The following CYP39A1 variants were observed in gnomAD, a reference collection of about 807,000 sequenced individuals.
CYP39A1 encodes 24-hydroxycholesterol 7-alpha-hydroxylase.
A neutral mutation model predicts 58.1 loss-of-function variants in CYP39A1; 49 were observed. The ratio of observed to expected loss-of-function variants is 0.84; its 90% CI spans 0.67 to 1.07. The LOEUF is 1.07. Among genes scored for constraint, CYP39A1 ranks in the 50% least tolerant of loss-of-function variants. The probability of loss-of-function intolerance (pLI) is 0.00; values close to 1 mark genes in which losing one functional copy is unlikely to be tolerated. For missense variants in CYP39A1, 531 were observed against 539.4 expected (o/e 0.98, Z 0.16); for synonymous variants, 209 against 187.6 (o/e 1.11, Z -0.93).
intron 10 of CYP39A1, among the ~76,000 whole-genome samples, chr6:46,573,187 G>T (rs971704499): frequency 3.9e-5 from 6 of 152,104 alleles, no homozygotes; most frequent in Non-Finnish European, 5.9e-5. Flanking sequence ...GAAAATTATA[G>T]TGGTCCTTTG....
At chr6:46,562,945 T>C (rs1771062471) in intron 10 of CYP39A1, among the ~76,000 whole-genome samples, 1 of 151,942 alleles carries the variant, frequency 6.6e-6, no homozygotes, top group South Asian at 2.1e-4. Flanking sequence ...CTTTTTAGTG[T>C]TAGTTTAGTT....
chr6:46,636,799 GA>G (rs1333643526), intron 4 of CYP39A1, among the ~76,000 whole-genome samples: 1 of 152,196 alleles, frequency 6.6e-6, no homozygotes, highest in Non-Finnish European at 1.5e-5. Flanking sequence ...GCAGGAGGAT[GA>G]AAACCCAATG....
At chr6:46,625,267 C>A (rs1775242307) in intron 7 of CYP39A1, 151 bp downstream of exon 7, 4 of 540,654 alleles carry the variant, frequency 7.4e-6, no homozygotes, top group Non-Finnish European at 1.3e-5. Flanking sequence ...TAGGATTCTA[C>A]CTGATCAATT....
chr6:46,587,041 C>T (rs1284224535), intron 10 of CYP39A1, 36 bp downstream of exon 10: 1 of 1,495,084 alleles, frequency 6.7e-7, no homozygotes, highest in South Asian at 1.2e-5. Context: ...TTTCTGCAGA[C>T]TTTCTGGATA....
chr6:46,583,505 A>T (rs1176744295), intron 10 of CYP39A1: 9 of 985,148 alleles, frequency 9.1e-6, no homozygotes, highest in African/African-American at 5.2e-5. Context: ...TGTCTGCTAT[A>T]ATGAGACTCT....
At chr6:46,578,037 A>C (rs572180745) in intron 10 of CYP39A1, among the ~76,000 whole-genome samples, 1 of 152,192 alleles carries the variant, frequency 6.6e-6, no homozygotes, top group East Asian at 1.9e-4. Flanking sequence ...CATAAAAGCA[A>C]TACTCAACAA....
chr6:46,559,637 A>G (rs1357759228), intron 10 of CYP39A1, among the ~76,000 whole-genome samples: 2 of 152,190 alleles, frequency 1.3e-5, no homozygotes, highest in African/African-American at 4.8e-5. Context: ...ATCTGAAAAA[A>G]GCAGCATCTC....
chr6:46,606,365 T>TA (rs1773843676), intron 7 of CYP39A1, among the ~76,000 whole-genome samples: 2 of 152,130 alleles, frequency 1.3e-5, no homozygotes, highest in African/African-American at 4.8e-5. Context: ...GAAAAGGAAA[T>TA]ACACTAAGTT....
Position 46,636,399 on chromosome 6 carries a change from T to C in CYP39A1, c.722A>G (p.Asp241Gly). The C allele has an allele frequency of 2.5e-6, 4 of 1,595,042 alleles. No individual in the cohort carries two copies. The highest frequency in any genetic ancestry group is 3.4e-6 in the Non-Finnish European group (4 of 1,166,998). The change falls in exon 5 of 12, where the codon GAT (aspartate) becomes GGT (glycine). Residue 241 changes from aspartate (D) to glycine (G), a missense_variant. Transcript: ENST00000275016. ...GTAAGAAATACTTACCATGGAATTA[T>C]CTTTTGCAGATTTACATGCTTTTAT... ...PDIKACKSAKDNSMTLLQATL... is the reference protein window; with the variant it reads ...PDIKACKSAKGNSMTLLQATL...
At chr6:46,564,138 CT>C (rs1771145045) in intron 10 of CYP39A1, among the ~76,000 whole-genome samples, 1 of 118,934 alleles carries the variant, frequency 8.4e-6, no homozygotes, top group African/African-American at 5.0e-5. Context: ...CTATTTTATT[CT>C]ATTCTATTTT....
At position 46,636,435 on chromosome 6, in the gene CYP39A1, T is replaced by C. The variant is rs1347141999; in HGVS notation, c.686A>G (p.Asn229Ser). ...KKWFLELFEK[N>S]IPDIKACKSA... ...TTTACATGCTTTTATATCTGGAATG[T>C]TTTTCTCAAACAGTTCCAGGAACCA... Residue 229 changes from asparagine (N) to serine (S), a missense_variant, in exon 5 of 12, where the codon AAC becomes AGC. Transcript: ENST00000275016. 1 of 1,610,490 alleles carries C rather than the reference T, an allele frequency of 6.2e-7. No individual in the cohort carries two copies. The highest frequency in any genetic ancestry group is 8.5e-7 in the Non-Finnish European group (1 of 1,179,168).
At chr6:46,620,729 G>C (rs917145996) in intron 7 of CYP39A1, among the ~76,000 whole-genome samples, 1 of 152,100 alleles carries the variant, frequency 6.6e-6, no homozygotes, top group Non-Finnish European at 1.5e-5. Context: ...AGTGTTGAAG[G>C]CATGGCCAAC....
chr6:46,602,175 A>G (rs1311034497), intron 7 of CYP39A1, among the ~76,000 whole-genome samples: 3 of 152,080 alleles, frequency 2.0e-5, no homozygotes, highest in Non-Finnish European at 2.9e-5. Context: ...TGGATGGATG[A>G]ATGCATGTCT....
intron 5 of CYP39A1, among the ~76,000 whole-genome samples, chr6:46,635,521 A>T (rs1300235252): frequency 1.3e-5 from 2 of 152,204 alleles, no homozygotes; most frequent in Non-Finnish European, 2.9e-5. Flanking sequence ...GGCTTGTTAA[A>T]GCAGATTGTC....
intron 11 of CYP39A1, among the ~76,000 whole-genome samples, chr6:46,552,125 T>G (rs1030291704): frequency 1.3e-5 from 2 of 152,182 alleles, no homozygotes; most frequent in Admixed American, 6.5e-5. Flanking sequence ...ATTACTAATC[T>G]CCATGGTTTT....
intron 6 of CYP39A1, among the ~76,000 whole-genome samples, chr6:46,626,377 T>C (rs562133834): frequency 3.9e-5 from 6 of 152,202 alleles, no homozygotes; most frequent in Non-Finnish European, 8.8e-5. Flanking sequence ...AGAGATTTCA[T>C]CTAGGAGAAT....
At chr6:46,585,111 C>T (rs1772390102) in intron 10 of CYP39A1, among the ~76,000 whole-genome samples, 1 of 151,978 alleles carries the variant, frequency 6.6e-6, no homozygotes, top group African/African-American at 2.4e-5. Flanking sequence ...TTTATTATAC[C>T]AATTACTTTC....
Position 46,553,866 on chromosome 6 carries a change from G to T in CYP39A1, c.1251-12C>A. The T allele has an allele frequency of 6.7e-7, 1 of 1,502,958 alleles. No individual in the cohort carries two copies. The highest frequency in any genetic ancestry group is 9.1e-7 in the Non-Finnish European group (1 of 1,094,654). The allele number at this position is 1,502,958 out of a possible 1,614,324, so 93.1% of individuals were successfully genotyped here. A position where few individuals can be genotyped will look rare whatever the true frequency, so the allele number is the denominator to read the frequency against. On this transcript the variant is annotated splice_polypyrimidine_tract_variant and intron_variant, in intron 10 of 11. Coordinates refer to ENST00000275016, the MANE Select transcript of CYP39A1 (RefSeq NM_016593.5). ...ACAGAGCAAACCACCTGGAAGAAAC[G>T]AATAAAATTGTTACTTGATTGTGAA...
intron 10 of CYP39A1, among the ~76,000 whole-genome samples, chr6:46,575,786 G>C (rs1771815159): frequency 6.6e-6 from 1 of 152,164 alleles, no homozygotes; most frequent in South Asian, 2.1e-4. Flanking sequence ...GCCCTCCTGG[G>C]TTAGAACACC....
Sources: allele counts gnomAD v4.1 joint callset (sites outside exome capture counted in the v4.1 genomes callset), GRCh38; gene constraint gnomAD v4.1.1; transcripts MANE v1.5; gene names NCBI Gene and HGNC (gene_info 2026-07-23, HGNC 2026-07-21).